Variants in TSFM observed in about 807,000 individuals in gnomAD.
TSFM encodes the protein elongation factor Ts, mitochondrial.
TSFM carries 29 observed loss-of-function variants against 33.4 expected under a neutral mutation model. The ratio of observed to expected loss-of-function variants is 0.87; its 90% CI spans 0.65 to 1.18. The LOEUF (loss-of-function observed/expected upper bound fraction) is 1.18, where lower values mean the gene tolerates loss of function less well. Among genes scored for constraint, TSFM ranks in the 50% most tolerant of loss-of-function variants. TSFM has a pLI of 0.00. For synonymous variants in TSFM, 178 were observed against 163.5 expected, an observed-to-expected ratio of 1.09 and a Z score of -0.68; for missense variants, 394 against 395.6, an observed-to-expected ratio of 1.00 and a Z score of 0.04.
chr12:57,785,007 A>G (rs1006404664), intron 2 of TSFM, among the ~76,000 whole-genome samples: 1 of 137,618 alleles, frequency 7.3e-6, no homozygotes, highest in African/African-American at 2.7e-5. Context: ...GCTCACTGCA[A>G]GCTCCACCTC....
At chr12:57,783,930 T>G in intron 2 of TSFM, 1 of 702,884 alleles carries the variant, frequency 1.4e-6, no homozygotes. Flanking sequence ...TTAGACATCT[T>G]AATCTTTCAG....
At chr12:57,783,081 G>C in intron 1 of TSFM, 29 bp from the exon 2 acceptor site, 1 of 1,590,964 alleles carries the variant, frequency 6.3e-7, no homozygotes, top group Non-Finnish European at 8.5e-7. Context: ...GCTGCTTCCT[G>C]CTCCTCATCC....
In TSFM at chr12:57,797,543, G is replaced by GGTATA. The variant is rs1392108072; in HGVS notation, c.*961_*965dup. ...AAAATTGAAAACAAAGGTAGGTCCT[G>GGTATA]GTATAATATTAAACATAAAGTTATT... On this transcript the variant is annotated 3_prime_UTR_variant, in exon 6 of 6. Coordinates refer to ENST00000652027, the MANE Select transcript of TSFM (RefSeq NM_005726.6). The GGTATA allele has an allele frequency of 1.1e-6, 1 of 928,686 alleles. No homozygotes were observed. The highest frequency in any genetic ancestry group is 1.3e-6 in the Non-Finnish European group (1 of 777,682). 57.5% of individuals were successfully genotyped at this position (928,686 alleles called of 1,614,324 possible).
chr12:57,791,069 G>T (rs955897999), intron 4 of TSFM, among the ~76,000 whole-genome samples: 1 of 151,470 alleles, frequency 6.6e-6, no homozygotes, highest in Non-Finnish European at 1.5e-5. Context: ...GAGTGCAATG[G>T]CATGATCTCA....
chr12:57,799,532 G>C (rs1352938788), downstream of TSFM, among the ~76,000 whole-genome samples: 1 of 152,248 alleles, frequency 6.6e-6, no homozygotes, highest in African/African-American at 2.4e-5. Context: ...TTGGATTGTA[G>C]TAAGTAGTCC....
downstream of TSFM, chr12:57,797,803 T>C (rs1955765753): frequency 8.8e-7 from 1 of 1,141,254 alleles, no homozygotes; most frequent in African/African-American, 1.6e-5. Flanking sequence ...CAGGCAGAAA[T>C]TGGTGGATAA....
intron 5 of TSFM, among the ~76,000 whole-genome samples, chr12:57,794,337 T>A (rs1264142371): frequency 6.6e-6 from 1 of 152,254 alleles, no homozygotes; most frequent in Non-Finnish European, 1.5e-5. Context: ...ATACAGACCC[T>A]TTTGTTTATT....
intron 1 of TSFM, 86 bp from the exon 2 acceptor site, chr12:57,783,023 TC>T: frequency 4.6e-6 from 7 of 1,520,380 alleles, no homozygotes; most frequent in Non-Finnish European, 5.3e-6. Context: ...CACTGTCCGC[TC>T]CCTAAGGTCG....
rs1471436725 is a variant in TSFM at position 57,783,226 on chromosome 12, C to T, written c.174C>T (p.Gly58=). The part of the protein sequence containing the change: ...ELLMKLRRKT[G]YSFVNCKKAL... ...TCATGAAGCTGCGGCGGAAAACAGG[C>T]TACTCCTTTGTAAATTGCAAGAAAG... The change falls in exon 2 of 6, where the codon GGC becomes GGT. Residue 58 remains glycine (G), a synonymous_variant. Coordinates refer to ENST00000652027, the MANE Select transcript of TSFM (RefSeq NM_005726.6). The T allele has an allele frequency of 1.2e-6, 2 of 1,613,920 alleles. No individual in the cohort carries two copies. Among genetic ancestry groups the T allele is most frequent in the Admixed American group, 1.7e-5 (1 of 60,028 alleles).
chr12:57,799,687 A>C (rs1955806875), downstream of TSFM: 2 of 1,492,736 alleles, frequency 1.3e-6, no homozygotes, highest in East Asian at 2.3e-5. Context: ...TCAGATGTCC[A>C]TTGAGCGGCT....
chr12:57,784,044 A>G (rs1248783670), intron 2 of TSFM: 2 of 702,934 alleles, frequency 2.8e-6, no homozygotes, highest in South Asian at 3.0e-5. Flanking sequence ...ATCATAGAGT[A>G]CCTACACAAA....
intron 2 of TSFM, chr12:57,784,309 G>A: frequency 1.7e-6 from 1 of 592,158 alleles, no homozygotes; most frequent in South Asian, 1.9e-5. Context: ...AGTGAGTGGT[G>A]AGTGAATATG....
intron 2 of TSFM, chr12:57,783,860 C>T (rs1955550837): frequency 4.5e-6 from 3 of 669,630 alleles, no homozygotes; most frequent in Non-Finnish European, 5.4e-6. Flanking sequence ...AGGTGATCCG[C>T]CCGCCTCGGC....
chr12:57,798,748 C>T (rs550819259), downstream of TSFM, among the ~76,000 whole-genome samples: 11 of 151,912 alleles, frequency 7.2e-5, no homozygotes, highest in Middle Eastern at 0.014. Context: ...TCCCAAGTAG[C>T]TGGGACTACA....
At position 57,796,945 on chromosome 12, in the gene TSFM, G is replaced by C. The variant is rs1955750001; in HGVS notation, c.*362G>C. The C allele has an allele frequency of 3.0e-6, 3 of 990,892 alleles. No individual in the cohort carries two copies. The highest frequency in any genetic ancestry group is 9.4e-5 in the South Asian group (2 of 21,330). 61.4% of individuals were successfully genotyped at this position (990,892 alleles called of 1,614,324 possible). On this transcript the variant is annotated 3_prime_UTR_variant, in exon 6 of 6. Transcript: ENST00000652027. ...TGTTCTGTTTTTGCTTTGCGACACT[G>C]TGAACCGTGCTTCTGCCTCGGAACC...
At chr12:57,790,946 T>C (rs376412742) in intron 4 of TSFM, among the ~76,000 whole-genome samples, 1 of 151,738 alleles carries the variant, frequency 6.6e-6, no homozygotes, top group Non-Finnish European at 1.5e-5. Flanking sequence ...CTTCAAGTGA[T>C]CTGCCTGACT....
rs758273854 is a variant in TSFM at position 57,783,104 on chromosome 12, A to G, written c.58-6A>G. On this transcript the variant is annotated splice_region_variant and splice_polypyrimidine_tract_variant and intron_variant, in intron 1 of 5. Coordinates refer to ENST00000652027, the MANE Select transcript of TSFM (RefSeq NM_005726.6). ...CTGCTCCTCATCCCTTTCTTATCTC[A>G]TCTAGGCTGGGTCTCTTCTGCGTCA... The G allele has an allele frequency of 6.2e-7, 1 of 1,606,668 alleles. No individual in the cohort carries two copies. The highest frequency in any genetic ancestry group is 1.7e-5 in the Admixed American group (1 of 59,784).
intron 4 of TSFM, among the ~76,000 whole-genome samples, chr12:57,792,758 A>G (rs1177279831): frequency 6.6e-6 from 1 of 151,946 alleles, no homozygotes; most frequent in African/African-American, 2.4e-5. Flanking sequence ...ATGCCCAACT[A>G]ATTTTTGTAT....
Position 57,797,350 on chromosome 12 carries a change from G to A in TSFM, c.*767G>A. On this transcript the variant is annotated 3_prime_UTR_variant, in exon 6 of 6. Transcript: ENST00000652027. ...TAACATAAAATTACCGTAACAAGCA[G>A]ACCCAGAATACTGAAAATAACTCCA... 1.0e-6 allele frequency: 1 copy of A among 985,354 alleles called. No homozygotes were observed. Among genetic ancestry groups the A allele is most frequent in the Non-Finnish European group, 1.2e-6 (1 of 829,920 alleles). 61.0% of individuals were successfully genotyped at this position (985,354 alleles called of 1,614,324 possible). A position where few individuals can be genotyped will look rare whatever the true frequency, so the allele number is the denominator to read the frequency against.
Sources: allele counts gnomAD v4.1 joint callset (sites outside exome capture counted in the v4.1 genomes callset), GRCh38; gene constraint gnomAD v4.1.1; transcripts MANE v1.5; gene names NCBI Gene and HGNC (gene_info 2026-07-23, HGNC 2026-07-21).